Variants in NDRG2 observed in about 807,000 individuals in gnomAD.
The protein encoded by NDRG2 is NDRG family member 2.
NDRG2 carries 34 observed loss-of-function variants against 58.2 expected under a neutral mutation model. That is an observed-to-expected ratio of 0.58 (90% CI 0.44 to 0.78). The LOEUF is 0.78. NDRG2 is among the 30% of genes least tolerant of loss of function. The pLI is 0.00. For synonymous variants in NDRG2, 187 were observed against 175.9 expected, an observed-to-expected ratio of 1.06 and a Z score of -0.50; for missense variants, 434 against 471.2, an observed-to-expected ratio of 0.92 and a Z score of 0.73.
At chr14:21,043,743 C>T (rs1566497099) in intron 1 of NDRG2, 1 of 362,884 alleles carries the variant, frequency 2.8e-6, no homozygotes, top group Non-Finnish European at 5.2e-6. Flanking sequence ...CTCCCCTGCC[C>T]CCTGGCATTA....
At chr14:21,021,950 C>CATT (rs1415079441) in intron 5 of NDRG2, 71 bp from the exon 6 acceptor site, 1 of 1,610,832 alleles carries the variant, frequency 6.2e-7, no homozygotes, top group Non-Finnish European at 8.5e-7. Flanking sequence ...ATGTCCTACT[C>CATT]ATTCTCTCCC....
Position 21,024,840 on chromosome 14 carries a change from C to T in NDRG2, c.-817G>A. The T allele has an allele frequency of 1.0e-5, 10 of 985,812 alleles. No homozygotes were observed. The highest frequency in any genetic ancestry group is 1.2e-5 in the Non-Finnish European group (10 of 830,206). 61.1% of individuals were successfully genotyped at this position (985,812 alleles called of 1,614,324 possible). On this transcript the variant is annotated 5_prime_UTR_variant, in exon 1 of 16. Transcript: ENST00000556147. ...GCGCCCCGGACCTTGCACACAACCT[C>T]GCGCGCACCCCAAACACGCCCTGCA...
At chr14:21,026,746 C>T (rs1566482666), upstream of NDRG2, among the ~76,000 whole-genome samples, 1 of 152,038 alleles carries the variant, frequency 6.6e-6, no homozygotes, top group Non-Finnish European at 1.5e-5. Context: ...TCTCCCACTC[C>T]CTTTATAACT....
Position 21,022,194 on chromosome 14 carries a change from C to A in NDRG2, c.224-12G>T. On this transcript the variant is annotated splice_polypyrimidine_tract_variant and intron_variant, in intron 4 of 15. Coordinates refer to ENST00000556147, the MANE Select transcript of NDRG2 (RefSeq NM_001320329.2). ...GAAGCAAGATTTATCTAAAGAGAAC[C>A]CACATCACCTCAACAATAGAATCAG... 1.2e-6 allele frequency: 2 copies of A among 1,614,142 alleles called. No homozygotes were observed. The highest frequency in any genetic ancestry group is 8.5e-7 in the Non-Finnish European group (1 of 1,180,038).
upstream of NDRG2, chr14:21,030,558 G>T: frequency 6.2e-7 from 1 of 1,608,620 alleles, no homozygotes; most frequent in Non-Finnish European, 8.5e-7. Context: ...TCCCACGACT[G>T]CCCTCCCCGA....
chr14:21,051,646 A>G (rs1257627029), intron 1 of NDRG2, among the ~76,000 whole-genome samples: 1 of 152,216 alleles, frequency 6.6e-6, no homozygotes, highest in African/African-American at 2.4e-5. Flanking sequence ...GAAAAGAAAA[A>G]TGGACCTGGC....
intron 1 of NDRG2, chr14:21,042,110 T>A (rs1884924769): frequency 6.6e-6 from 1 of 152,206 alleles, no homozygotes; most frequent in Non-Finnish European, 1.5e-5. Flanking sequence ...GGTGCTCTAT[T>A]AAAGAGTCAT....
intron 1 of NDRG2, among the ~76,000 whole-genome samples, chr14:21,049,250 G>A (rs762351938): frequency 3.3e-5 from 5 of 152,082 alleles, no homozygotes; most frequent in African/African-American, 4.8e-5. Flanking sequence ...CACTTCCATC[G>A]TGGAAGCCTC....
chr14:21,064,271 A>AAAATTGAGAAGC (rs1886132346), intron 1 of NDRG2, among the ~76,000 whole-genome samples: 1 of 152,152 alleles, frequency 6.6e-6, no homozygotes, highest in Non-Finnish European at 1.5e-5. Flanking sequence ...GAGAGTGACT[A>AAAATTGAGAAGC]AATGAATAGT....
chr14:21,032,781 A>C (rs770032458), intron 1 of NDRG2: 1 of 372,688 alleles, frequency 2.7e-6, no homozygotes, highest in Non-Finnish European at 5.2e-6. Flanking sequence ...GTTCTGGTGC[A>C]CTGAAGAAAA....
chr14:21,032,936 T>C (rs3748346), intron 1 of NDRG2: 168,928 of 455,582 alleles, frequency 0.37, 33,742 homozygotes, highest in African/African-American at 0.58. Flanking sequence ...ACATCTTACA[T>C]ACTCAGATGT....
At chr14:21,034,607 G>A (rs1442191572) in intron 1 of NDRG2, 2 of 291,420 alleles carry the variant, frequency 6.9e-6, no homozygotes, top group South Asian at 1.2e-4. Flanking sequence ...TGGGCCCCTG[G>A]CACTCCTGCT....
intron 3 of NDRG2, 183 bp from the exon 4 acceptor site, chr14:21,022,680 G>A: frequency 1.5e-6 from 1 of 666,972 alleles, no homozygotes; most frequent in East Asian, 2.7e-5. Flanking sequence ...GGATAAGAAA[G>A]AATAATGAAG....
intron 14 of NDRG2, 25 bp from the exon 15 acceptor site, chr14:21,018,063 G>C (rs1456032573): frequency 1.9e-6 from 3 of 1,611,250 alleles, no homozygotes; most frequent in East Asian, 2.2e-5. Flanking sequence ...AGAGGCGAGG[G>C]AGACGGTGAG....
At chr14:21,031,840 A>T in intron 1 of NDRG2, 1 of 1,580,294 alleles carries the variant, frequency 6.3e-7, no homozygotes, top group Non-Finnish European at 8.6e-7. Flanking sequence ...TGGGGAAGGG[A>T]TATGACAGCG....
chr14:21,025,126 C>A (rs1002486302), upstream of NDRG2: 2 of 981,506 alleles, frequency 2.0e-6, no homozygotes, highest in Non-Finnish European at 1.2e-6. The surrounding 1 kb of genome is among the most constrained non-coding windows in gnomAD (Gnocchi z 5.1). Context: ...CGCCCCAGCC[C>A]GCCCACGGGC....
chr14:21,043,120 A>G, intron 1 of NDRG2: 2 of 1,614,190 alleles, frequency 1.2e-6, no homozygotes, highest in Non-Finnish European at 1.7e-6. Context: ...AAAATTCAGC[A>G]CATGCAGCCC....
At position 21,043,055 on chromosome 14, in the gene NDRG2, G is replaced by A. The variant is rs372072003; in HGVS notation, c.25-19734C>T. On this transcript the variant is annotated intron_variant, in intron 1 of 14. Coordinates refer to the NDRG2 transcript ENST00000403829. ...TGCTTCTGCTGCTGGGGCTGTGGGT[G>A]GCAGAGATCCCAGTCAGTGCCAAGC... 4 of 1,614,068 alleles carry A rather than the reference G, an allele frequency of 2.5e-6. No homozygotes were observed. The African/African-American group carries it at 5.3e-5, about 22-fold the overall frequency.
chr14:21,061,796 G>T (rs140500218), intron 1 of NDRG2, among the ~76,000 whole-genome samples: 90 of 152,298 alleles, frequency 5.9e-4, no homozygotes, highest in African/African-American at 1.9e-3. Flanking sequence ...AATGCACATG[G>T]TTTGAAATGA....
Sources: allele counts gnomAD v4.1 joint callset (sites outside exome capture counted in the v4.1 genomes callset), GRCh38; gene constraint gnomAD v4.1.1; non-coding constraint Gnocchi (gnomAD v3.1); transcripts MANE v1.5; gene names NCBI Gene and HGNC (gene_info 2026-07-23, HGNC 2026-07-21).